Variants in CSMD1 observed in about 807,000 individuals in gnomAD.
The protein encoded by CSMD1 is CUB and Sushi multiple domains 1.
Under a neutral mutation model 417.5 loss-of-function variants are expected in CSMD1, and 213 were observed. That is an observed-to-expected ratio of 0.51 (90% CI 0.46 to 0.57). CSMD1 has a LOEUF of 0.57. CSMD1 is among the 20% of genes least tolerant of loss of function. CSMD1 has a pLI of 0.00. For missense variants in CSMD1, 6,923 were observed against 4,529.7 expected (o/e 1.53, Z -15.17); for synonymous variants, 2,862 against 1,736.8 (o/e 1.65, Z -16.11).
intron 10 of CSMD1, among the ~76,000 whole-genome samples, chr8:3,573,871 A>C (rs1320576458): frequency 6.6e-6 from 1 of 151,956 alleles, no homozygotes; most frequent in East Asian, 1.9e-4. Context: ...TACCTATAAT[A>C]GTTTCCTCAC....
chr8:4,429,875 G>A lies in CSMD1; in HGVS notation c.303-9810C>T, dbSNP rs548632262. 7.2e-5 allele frequency among the ~76,000 whole-genome samples: 11 copies of A among 152,170 alleles called. 1 individual carries two copies. The highest frequency in any genetic ancestry group is 9.6e-5 in the African/African-American group (4 of 41,520). ...ATTCAGTTAAGTTCTATGAAATGAG[G>A]GAATCCTCTCCTCCATTTTTGGCCA... On this transcript the variant is annotated intron_variant, in intron 2 of 69. Coordinates refer to ENST00000635120, the MANE Select transcript of CSMD1 (RefSeq NM_033225.6).
chr8:3,147,355 T>A (rs1247512389), intron 40 of CSMD1, among the ~76,000 whole-genome samples: 2 of 152,240 alleles, frequency 1.3e-5, no homozygotes, highest in Non-Finnish European at 2.9e-5. Flanking sequence ...TTTTCTTAAA[T>A]AAGTAATATT....
intron 3 of CSMD1, among the ~76,000 whole-genome samples, chr8:4,200,912 A>T (rs977169074): frequency 2.6e-5 from 4 of 152,234 alleles, no homozygotes; most frequent in Admixed American, 2.0e-4. Flanking sequence ...AAGCTAGTTT[A>T]AAGTATATGC....
At chr8:3,556,415 T>TATATATATACACATA (rs1799148435) in intron 10 of CSMD1, among the ~76,000 whole-genome samples, 1 of 57,102 alleles carries the variant, frequency 1.8e-5, no homozygotes, top group African/African-American at 6.2e-5. Flanking sequence ...ATATATATAT[T>TATATATATACACATA]CACACACACA....
At chr8:3,819,328 C>T (rs369093904) in intron 5 of CSMD1, among the ~76,000 whole-genome samples, 2 of 152,144 alleles carry the variant, frequency 1.3e-5, no homozygotes, top group Admixed American at 6.5e-5. Context: ...GAGAGAGTGA[C>T]AGGTAGGAGA....
At chr8:3,139,650 G>A (rs1300305092) in intron 41 of CSMD1, among the ~76,000 whole-genome samples, 4 of 152,100 alleles carry the variant, frequency 2.6e-5, no homozygotes, top group Non-Finnish European at 5.9e-5. Context: ...ATTAGAAGCT[G>A]GAGGAAGACA....
At chr8:2,968,687 G>A (rs981608361) in intron 57 of CSMD1, among the ~76,000 whole-genome samples, 3 of 152,042 alleles carry the variant, frequency 2.0e-5, no homozygotes, top group African/African-American at 7.2e-5. Context: ...ATGCAATTAT[G>A]TAAAATTATA....
At chr8:3,708,317 G>A in intron 7 of CSMD1, 97 bp downstream of exon 7, 1 of 902,836 alleles carries the variant, frequency 1.1e-6, no homozygotes, top group Non-Finnish European at 1.8e-6. Flanking sequence ...GAGATAACGT[G>A]GGGAAGGTGG....
chr8:4,636,687 G>A (rs1585370130), intron 2 of CSMD1, among the ~76,000 whole-genome samples: 2 of 152,196 alleles, frequency 1.3e-5, no homozygotes, highest in South Asian at 4.1e-4. Flanking sequence ...CAAAGTCAGT[G>A]ATAACTTTCA....
intron 3 of CSMD1, among the ~76,000 whole-genome samples, chr8:4,103,603 T>G (rs989391657): frequency 6.6e-6 from 1 of 152,136 alleles, no homozygotes. Context: ...TTCAGATATT[T>G]TCATGTAAAC....
At chr8:3,973,229 G>A (rs990962514) in intron 5 of CSMD1, among the ~76,000 whole-genome samples, 1 of 152,184 alleles carries the variant, frequency 6.6e-6, no homozygotes, top group Non-Finnish European at 1.5e-5. Context: ...ACATAGAGCT[G>A]TTCCCTGGCA....
At chr8:4,751,775 C>T (rs994278963) in intron 1 of CSMD1, among the ~76,000 whole-genome samples, 2 of 152,136 alleles carry the variant, frequency 1.3e-5, no homozygotes, top group South Asian at 2.1e-4. Flanking sequence ...AGGACCTCTG[C>T]GTTTGCATTC....
At chr8:4,173,803 G>T (rs1173512488) in intron 3 of CSMD1, among the ~76,000 whole-genome samples, 2 of 152,042 alleles carry the variant, frequency 1.3e-5, no homozygotes, top group African/African-American at 2.4e-5. Context: ...GTGGTGAGGT[G>T]CGCTTGAGGA....
chr8:4,500,438 C>T (rs754309852), intron 2 of CSMD1, among the ~76,000 whole-genome samples: 3 of 152,114 alleles, frequency 2.0e-5, no homozygotes, highest in Admixed American at 1.3e-4. Flanking sequence ...TTGCGTAGAT[C>T]GTGTAAACAA....
Position 4,927,532 on chromosome 8 carries a change from G to A in CSMD1, c.85+66800C>T, listed in dbSNP as rs138763604. Among the ~76,000 whole-genome samples the A allele has an allele frequency of 8.1e-3, 1,231 of 152,214 alleles. 14 individuals are homozygous for A. The highest frequency in any genetic ancestry group is 0.028 in the African/African-American group (1,150 of 41,530). ...CAGTCCTTTTTTTCCGAGAGCAAGTGAGTTGGAAAGGGGCAACAACTAGCA... is the reference window on the plus strand; with the variant it reads ...CAGTCCTTTTTTTCCGAGAGCAAGTAAGTTGGAAAGGGGCAACAACTAGCA... On this transcript the variant is annotated intron_variant, in intron 1 of 69. Transcript: ENST00000635120.
intron 1 of CSMD1, among the ~76,000 whole-genome samples, chr8:4,930,390 T>G (rs1807167962): frequency 6.6e-6 from 1 of 152,116 alleles, no homozygotes; most frequent in South Asian, 2.1e-4. Flanking sequence ...CACGCATATA[T>G]ATATACACAT....
intron 8 of CSMD1, among the ~76,000 whole-genome samples, chr8:3,599,686 T>C (rs965351913): frequency 1.3e-5 from 2 of 152,204 alleles, no homozygotes; most frequent in Non-Finnish European, 2.9e-5. Flanking sequence ...AACATCTCCA[T>C]TTTCCTTTGA....
chr8:4,377,661 A>G (rs74980032), intron 3 of CSMD1, among the ~76,000 whole-genome samples: 2,472 of 152,314 alleles, frequency 0.016, 27 homozygotes, highest in Non-Finnish European at 0.027. Context: ...TCTTTTTAGC[A>G]AAGTATATAT....
chr8:4,817,342 T>C (rs536650115), intron 1 of CSMD1, among the ~76,000 whole-genome samples: 76 of 152,330 alleles, frequency 5.0e-4, no homozygotes, highest in African/African-American at 1.7e-3. Flanking sequence ...ATTTTTAATA[T>C]GCTAAGATAA....
Sources: allele counts gnomAD v4.1 joint callset (sites outside exome capture counted in the v4.1 genomes callset), GRCh38; gene constraint gnomAD v4.1.1; transcripts MANE v1.5; gene names NCBI Gene and HGNC (gene_info 2026-07-23, HGNC 2026-07-21).